Variants in SLA2 observed in about 807,000 individuals in gnomAD.
The protein encoded by SLA2 is src-like-adapter 2.
In SLA2, 22 loss-of-function variants were observed where a neutral mutation model predicts 27.3. The ratio of observed to expected loss-of-function variants is 0.81; its 90% CI spans 0.58 to 1.15. SLA2 has a LOEUF of 1.15. Among genes scored for constraint, SLA2 ranks in the 50% most tolerant of loss-of-function variants. SLA2 has a pLI of 0.00. For missense variants in SLA2, 304 were observed against 322.2 expected (o/e 0.94, Z 0.43); for synonymous variants, 131 against 137.8 (o/e 0.95, Z 0.34).
intron 5 of SLA2, among the ~76,000 whole-genome samples, chr20:36,632,129 A>G (rs906949723): frequency 2.0e-5 from 3 of 152,128 alleles, no homozygotes; most frequent in African/African-American, 7.2e-5. Flanking sequence ...TCTGCTGAGT[A>G]GCAACCCCAC....
intron 2 of SLA2, among the ~76,000 whole-genome samples, chr20:36,639,137 C>T (rs900414839): frequency 1.3e-5 from 2 of 152,184 alleles, no homozygotes; most frequent in East Asian, 1.9e-4. Flanking sequence ...TGAGCCACTG[C>T]GGTCAGCTGA....
At chr20:36,640,088 A>C (rs117954859) in intron 2 of SLA2, among the ~76,000 whole-genome samples, 1 of 151,830 alleles carries the variant, frequency 6.6e-6, no homozygotes, top group Non-Finnish European at 1.5e-5. Context: ...CGGGAGGATC[A>C]TTTGACCCCA....
chr20:36,614,983 G>A (rs1043474221), intron 6 of SLA2: 1 of 985,210 alleles, frequency 1.0e-6, no homozygotes, highest in Non-Finnish European at 1.2e-6. Flanking sequence ...CAGAACCAGA[G>A]TGGTAGGCAA....
chr20:36,612,396 C>G lies in SLA2; in HGVS notation c.*1470G>C. 1 of 659,938 alleles carries G rather than the reference C, an allele frequency of 1.5e-6. No homozygotes were observed. Among genetic ancestry groups the G allele is most frequent in the Non-Finnish European group, 2.6e-6 (1 of 381,932 alleles). The allele number at this position is 659,938 out of a possible 1,614,324, so 40.9% of individuals were successfully genotyped here. On this transcript the variant is annotated 3_prime_UTR_variant, in exon 8 of 8. Coordinates refer to ENST00000262866, the MANE Select transcript of SLA2 (RefSeq NM_032214.4). ...CATTAAATTGTCTTCCTCGATTCTC[C>G]ATCGGGTGTAGAGTTTTTAAACTAT...
At chr20:36,636,485 G>T (rs1175211889) in intron 2 of SLA2, among the ~76,000 whole-genome samples, 1 of 147,956 alleles carries the variant, frequency 6.8e-6, no homozygotes, top group African/African-American at 2.5e-5. Context: ...CACGCCTGTA[G>T]TCCCAGCTAC....
chr20:36,643,705 A>C (rs1978285458), intron 1 of SLA2, among the ~76,000 whole-genome samples: 1 of 152,132 alleles, frequency 6.6e-6, no homozygotes, highest in Non-Finnish European at 1.5e-5. Context: ...TAATCCCAGC[A>C]CTTTGGGAGG....
chr20:36,615,114 T>C, intron 6 of SLA2, 111 bp downstream of exon 6: 2 of 1,527,250 alleles, frequency 1.3e-6, no homozygotes, highest in Non-Finnish European at 1.8e-6. Context: ...GGGAGGCCGC[T>C]CTTCTGTCTG....
In SLA2 at chr20:36,636,622, AAAT is replaced by A. The variant is rs1206848388; in HGVS notation, c.92-2036_92-2034del. On this transcript the variant is annotated intron_variant, in intron 2 of 7. Coordinates refer to ENST00000262866, the MANE Select transcript of SLA2 (RefSeq NM_032214.4). The stretch of plus-strand genomic sequence containing the variant: ...CTCCATCTCAAAAAGAAAAAAAAAA[AAAT>A]ATATATATATATATATATATATATA... 4.7e-5 allele frequency among the ~76,000 whole-genome samples: 6 copies of A among 128,618 alleles called. No homozygotes were observed. The East Asian group carries it at 6.2e-4, about 13-fold the overall frequency. The allele number at this position is 128,618 out of a possible 152,430, so 84.4% of individuals were successfully genotyped here. A position where few individuals can be genotyped will look rare whatever the true frequency, so the allele number is the denominator to read the frequency against.
chr20:36,614,023 C>G (rs775826064), intron 7 of SLA2, 37 bp from the exon 8 acceptor site: 15 of 1,610,458 alleles, frequency 9.3e-6, no homozygotes, highest in Admixed American at 1.7e-5. Flanking sequence ...CAAGAAGCCT[C>G]TTCCTCCTCC....
chr20:36,643,954 C>G (rs893258121), intron 1 of SLA2, among the ~76,000 whole-genome samples: 3 of 151,820 alleles, frequency 2.0e-5, no homozygotes, highest in Middle Eastern at 3.4e-3. Context: ...TCTGTACCCC[C>G]CTCCCGCCCC....
chr20:36,645,566 A>G (rs1245917671), intron 1 of SLA2, among the ~76,000 whole-genome samples: 1 of 152,130 alleles, frequency 6.6e-6, no homozygotes, highest in Non-Finnish European at 1.5e-5. Context: ...GCAAGTGCGC[A>G]CCTGAGATGG....
At chr20:36,626,307 G>T (rs905063806) in intron 5 of SLA2, among the ~76,000 whole-genome samples, 2 of 151,578 alleles carry the variant, frequency 1.3e-5, no homozygotes, top group African/African-American at 4.8e-5. Context: ...CAGGAGAATT[G>T]CTTGAACCCA....
intron 6 of SLA2, chr20:36,614,804 C>T (rs879563350): frequency 9.1e-6 from 9 of 985,338 alleles, no homozygotes; most frequent in Non-Finnish European, 1.1e-5. Context: ...CAAGAGTGCT[C>T]TTCCCTCTCT....
chr20:36,615,516 G>T, intron 5 of SLA2, 142 bp from the exon 6 acceptor site: 1 of 850,236 alleles, frequency 1.2e-6, no homozygotes, highest in Non-Finnish European at 1.8e-6. Flanking sequence ...ACAAAGACTT[G>T]CTCTCTTGGT....
At chr20:36,643,949 AC>A (rs1228721770) in intron 1 of SLA2, among the ~76,000 whole-genome samples, 1 of 151,086 alleles carries the variant, frequency 6.6e-6, no homozygotes, top group East Asian at 2.0e-4. Context: ...GAGACTCTGT[AC>A]CCCCCTCCCG....
chr20:36,613,796 G>C lies in SLA2; in HGVS notation c.*70C>G, dbSNP rs2039170346. On this transcript the variant is annotated 3_prime_UTR_variant, in exon 8 of 8. Coordinates refer to ENST00000262866, the MANE Select transcript of SLA2 (RefSeq NM_032214.4). ...CCTGAGTGCACAGCCTTGCCTCTGGGGTGCCCAGGAGGCTGAATTGGGGTT... is the reference window on the plus strand; with the variant it reads ...CCTGAGTGCACAGCCTTGCCTCTGGCGTGCCCAGGAGGCTGAATTGGGGTT... The C allele has an allele frequency of 1.3e-6, 2 of 1,506,846 alleles. No individual in the cohort carries two copies. The highest frequency in any genetic ancestry group is 1.8e-6 in the Non-Finnish European group (2 of 1,118,812). The allele number at this position is 1,506,846 out of a possible 1,614,324, so 93.3% of individuals were successfully genotyped here. A position where few individuals can be genotyped will look rare whatever the true frequency, so the allele number is the denominator to read the frequency against.
chr20:36,618,931 A>G (rs1022933978), intron 5 of SLA2, among the ~76,000 whole-genome samples: 1 of 149,168 alleles, frequency 6.7e-6, no homozygotes, highest in South Asian at 2.1e-4. Context: ...AAAAAAAAAA[A>G]AAAGTATCTA....
rs924171336 is a variant in SLA2 at position 36,612,402 on chromosome 20, G to A, written c.*1464C>T. On this transcript the variant is annotated 3_prime_UTR_variant, in exon 8 of 8. Coordinates refer to ENST00000262866, the MANE Select transcript of SLA2 (RefSeq NM_032214.4). ...ATTGTCTTCCTCGATTCTCCATCGGGTGTAGAGTTTTTAAACTATCAATGG... is the reference window on the plus strand; with the variant it reads ...ATTGTCTTCCTCGATTCTCCATCGGATGTAGAGTTTTTAAACTATCAATGG... 2 of 650,030 alleles carry A rather than the reference G, an allele frequency of 3.1e-6. No homozygotes were observed. Among genetic ancestry groups the A allele is most frequent in the Non-Finnish European group, 5.3e-6 (2 of 376,636 alleles). The allele number at this position is 650,030 out of a possible 1,614,324, so 40.3% of individuals were successfully genotyped here.
At chr20:36,636,611 GAAAA>G (rs1185102769) in intron 2 of SLA2, among the ~76,000 whole-genome samples, 16 of 73,986 alleles carry the variant, frequency 2.2e-4, no homozygotes, top group African/African-American at 7.7e-4. Context: ...ATCTCAAAAA[GAAAA>G]AAAAAAAAAT....
Sources: allele counts gnomAD v4.1 joint callset (sites outside exome capture counted in the v4.1 genomes callset), GRCh38; gene constraint gnomAD v4.1.1; transcripts MANE v1.5; gene names NCBI Gene and HGNC (gene_info 2026-07-23, HGNC 2026-07-21).